Variants in EXOC6B observed in about 807,000 individuals in gnomAD.
EXOC6B encodes the protein SEC15 homolog B.
A neutral mutation model predicts 113.5 loss-of-function variants in EXOC6B; 54 were observed. That is an observed-to-expected ratio of 0.48 (90% CI 0.38 to 0.60). The LOEUF (loss-of-function observed/expected upper bound fraction) is 0.60, where lower values mean the gene tolerates loss of function less well. Among genes scored for constraint, EXOC6B ranks in the 20% least tolerant of loss-of-function variants. The pLI, the probability that EXOC6B is intolerant of heterozygous loss-of-function variation, is 0.00. For synonymous variants in EXOC6B, 357 were observed against 339.0 expected, an observed-to-expected ratio of 1.05 and a Z score of -0.58; for missense variants, 797 against 977.5, an observed-to-expected ratio of 0.82 and a Z score of 2.46.
At chr2:72,691,822 C>T (rs1047682442) in intron 6 of EXOC6B, among the ~76,000 whole-genome samples, 28 of 151,458 alleles carry the variant, frequency 1.8e-4, no homozygotes, top group South Asian at 1.3e-3. Flanking sequence ...GCTGGGATTA[C>T]GGGTGCCCAC....
chr2:72,816,376 C>A (rs1188633301), intron 1 of EXOC6B, among the ~76,000 whole-genome samples: 1 of 152,008 alleles, frequency 6.6e-6, no homozygotes, highest in African/African-American at 2.4e-5. Flanking sequence ...ATGGACAAAT[C>A]TCAAAAATAT....
chr2:72,247,848 A>T (rs1166028981), intron 20 of EXOC6B, among the ~76,000 whole-genome samples: 1 of 152,184 alleles, frequency 6.6e-6, no homozygotes, highest in Non-Finnish European at 1.5e-5. Context: ...CTTATGGGGA[A>T]GTTTGGAAGG....
chr2:72,522,089 A>T (rs1701519782), intron 8 of EXOC6B, among the ~76,000 whole-genome samples: 1 of 151,972 alleles, frequency 6.6e-6, no homozygotes, highest in South Asian at 2.1e-4. Flanking sequence ...CTCCACAACA[A>T]TTTTTTTTAT....
chr2:72,270,981 T>G (rs1390956957), intron 20 of EXOC6B, among the ~76,000 whole-genome samples: 1 of 152,208 alleles, frequency 6.6e-6, no homozygotes, highest in Non-Finnish European at 1.5e-5. Context: ...AAGGAAGAGA[T>G]GAGCAATTCA....
In EXOC6B at chr2:72,652,687, G is replaced by T. The variant is rs111287496; in HGVS notation, c.669+65416C>A. Among the ~76,000 whole-genome samples, 22 of 148,146 alleles carry T rather than the reference G, an allele frequency of 1.5e-4. 2 individuals are homozygous for T. The highest frequency in any genetic ancestry group is 4.4e-4 in the African/African-American group (18 of 40,760). On this transcript the variant is annotated intron_variant, in intron 6 of 21. Coordinates refer to ENST00000272427, the MANE Select transcript of EXOC6B (RefSeq NM_015189.3). ...TAAATATATGTATATATAAATGATT[G>T]TATACATTATGAGATTTTTACTTTT...
intron 6 of EXOC6B, among the ~76,000 whole-genome samples, chr2:72,696,680 G>C (rs1342213758): frequency 1.3e-5 from 2 of 152,172 alleles, no homozygotes; most frequent in African/African-American, 4.8e-5. Flanking sequence ...TGGGGAATAA[G>C]ACACCATGTG....
intron 6 of EXOC6B, among the ~76,000 whole-genome samples, chr2:72,659,834 T>C (rs1674876041): frequency 6.6e-6 from 1 of 152,152 alleles, no homozygotes; most frequent in African/African-American, 2.4e-5. Flanking sequence ...ACCACATCAA[T>C]AAATACAATT....
chr2:72,742,467 T>G (rs1207782212), intron 1 of EXOC6B, among the ~76,000 whole-genome samples: 4 of 152,132 alleles, frequency 2.6e-5, no homozygotes, highest in Non-Finnish European at 5.9e-5. Context: ...GCACAGCCTA[T>G]ACATGTCTTT....
chr2:72,544,536 T>G (rs1573363090), intron 8 of EXOC6B, among the ~76,000 whole-genome samples: 1 of 152,236 alleles, frequency 6.6e-6, no homozygotes, highest in East Asian at 1.9e-4. Flanking sequence ...AGGACGTGCT[T>G]GCTTCAATAA....
intron 6 of EXOC6B, among the ~76,000 whole-genome samples, chr2:72,715,690 C>A (rs1679569354): frequency 6.6e-6 from 1 of 152,002 alleles, no homozygotes; most frequent in Admixed American, 6.6e-5. Flanking sequence ...TGGTTCTTCC[C>A]TTTTCTAAAT....
intron 20 of EXOC6B, among the ~76,000 whole-genome samples, chr2:72,277,364 C>A (rs1208185095): frequency 6.6e-6 from 1 of 152,152 alleles, no homozygotes; most frequent in African/African-American, 2.4e-5. Flanking sequence ...TTCCTCCATT[C>A]CCCCAACTTC....
At chr2:72,332,219 A>AT (rs1688452471) in intron 20 of EXOC6B, among the ~76,000 whole-genome samples, 1 of 152,056 alleles carries the variant, frequency 6.6e-6, no homozygotes, top group Admixed American at 6.6e-5. Flanking sequence ...TGGCTTATTA[A>AT]GGACATAATG....
At chr2:72,641,367 T>C (rs1228791999) in intron 6 of EXOC6B, among the ~76,000 whole-genome samples, 6 of 152,220 alleles carry the variant, frequency 3.9e-5, no homozygotes, top group Admixed American at 1.3e-4. Context: ...CCAAATACTG[T>C]GCTTTTCCAA....
intron 18 of EXOC6B, among the ~76,000 whole-genome samples, chr2:72,383,613 A>G (rs1691822251): frequency 6.6e-6 from 1 of 152,200 alleles, no homozygotes; most frequent in African/African-American, 2.4e-5. Context: ...AACTAAAAAC[A>G]GAGTACCCAT....
At chr2:72,721,364 T>TAAAAAAAAAAAAAAAAA (rs11408155) in intron 5 of EXOC6B, among the ~76,000 whole-genome samples, 1 of 28,494 alleles carries the variant, frequency 3.5e-5, no homozygotes, top group African/African-American at 2.3e-4. Context: ...GTTGTTTTTG[T>TAAAAAAAAAAAAAAAAA]AAAAAAAAAA....
intron 6 of EXOC6B, among the ~76,000 whole-genome samples, chr2:72,615,899 C>G (rs1671361578): frequency 6.6e-6 from 1 of 152,078 alleles, no homozygotes; most frequent in Non-Finnish European, 1.5e-5. Context: ...AGGTGGAAAA[C>G]AGCAATCTTG....
chr2:72,274,439 CA>C (rs1366911209), intron 20 of EXOC6B, among the ~76,000 whole-genome samples: 5 of 152,092 alleles, frequency 3.3e-5, no homozygotes. Context: ...CCTTAATCAC[CA>C]ACCAAGTGAA....
intron 6 of EXOC6B, among the ~76,000 whole-genome samples, chr2:72,698,829 T>TA (rs1678080053): frequency 6.6e-6 from 1 of 152,218 alleles, no homozygotes; most frequent in Non-Finnish European, 1.5e-5. Context: ...CCATTTTCAC[T>TA]AATGGTATAA....
intron 18 of EXOC6B, among the ~76,000 whole-genome samples, chr2:72,407,418 A>C (rs987715348): frequency 7.9e-5 from 12 of 152,210 alleles, no homozygotes; most frequent in Non-Finnish European, 1.5e-5. Context: ...ACAAAAAAAG[A>C]GAATTTTAGA....
Sources: allele counts gnomAD v4.1 joint callset (sites outside exome capture counted in the v4.1 genomes callset), GRCh38; gene constraint gnomAD v4.1.1; transcripts MANE v1.5; gene names NCBI Gene and HGNC (gene_info 2026-07-23, HGNC 2026-07-21).